The following WWOX variants were observed in gnomAD, a reference collection of about 807,000 sequenced individuals.
The protein encoded by WWOX is WW domain-containing oxidoreductase.
WWOX carries 69 observed loss-of-function variants against 46.2 expected under a neutral mutation model. The ratio of observed to expected loss-of-function variants is 1.49; its 90% CI spans 1.23 to 1.82. The LOEUF (loss-of-function observed/expected upper bound fraction) is 1.82. Ranked by LOEUF, WWOX falls within the 40% of genes most tolerant of loss-of-function variation. WWOX has a pLI of 0.00. For synonymous variants in WWOX, 359 were observed against 202.6 expected (o/e 1.77, Z -6.56); for missense variants, 919 against 542.6 (o/e 1.69, Z -6.89).
chr16:78,924,603 A>T lies in WWOX; in HGVS notation c.1057-287005A>T, dbSNP rs148804279. Among the ~76,000 whole-genome samples the T allele has an allele frequency of 7.5e-4, 115 of 152,322 alleles. 3 individuals are homozygous for T. The East Asian group carries it at 0.02, about 27-fold the overall frequency. On this transcript the variant is annotated intron_variant, in intron 8 of 8. Transcript: ENST00000566780. Reference sequence around the variant, plus strand: ...TAAGAAAGCCAGTATTGGTAAAAACATATATCAGAGTCCTTTTGACTGTTT... The same window carrying T: ...TAAGAAAGCCAGTATTGGTAAAAACTTATATCAGAGTCCTTTTGACTGTTT...
chr16:78,319,651 G>A (rs1471598888), intron 5 of WWOX, among the ~76,000 whole-genome samples: 2 of 152,156 alleles, frequency 1.3e-5, no homozygotes, highest in East Asian at 3.9e-4. Context: ...TCTTATTAAT[G>A]TGTCACATAG....
At chr16:78,312,576 C>T (rs746877737) in intron 5 of WWOX, among the ~76,000 whole-genome samples, 12 of 151,962 alleles carry the variant, frequency 7.9e-5, no homozygotes, top group Non-Finnish European at 1.6e-4. Context: ...GGTTTCACCA[C>T]GTTGGCTAGG....
chr16:78,381,124 A>T (rs2081947168), intron 5 of WWOX, among the ~76,000 whole-genome samples: 1 of 152,184 alleles, frequency 6.6e-6, no homozygotes, highest in South Asian at 2.1e-4. Context: ...CTTTGCTGCA[A>T]TGACAATATC....
rs191525513 is a variant in WWOX, at chr16:79,163,000, A to T, written c.1057-48608A>T. Among the ~76,000 whole-genome samples, 4 of 152,374 alleles carry T rather than the reference A, an allele frequency of 2.6e-5. No individual in the cohort carries two copies. The East Asian group carries it at 7.7e-4, about 29-fold the overall frequency. Reference sequence around the variant, plus strand: ...TAGATTTAGTTATTGCTTATGGTTTAGAGAAAGCGCCTTTCAACAGTCACA... The same window carrying T: ...TAGATTTAGTTATTGCTTATGGTTTTGAGAAAGCGCCTTTCAACAGTCACA... On this transcript the variant is annotated intron_variant, in intron 8 of 8. Coordinates refer to ENST00000566780, the MANE Select transcript of WWOX (RefSeq NM_016373.4).
chr16:78,805,323 G>A (rs939375763), intron 8 of WWOX, among the ~76,000 whole-genome samples: 7 of 152,234 alleles, frequency 4.6e-5, no homozygotes, highest in Admixed American at 4.6e-4. Context: ...CGCCATCTCA[G>A]GATCTCGGCT....
At chr16:78,166,797 T>C (rs2034990395) in intron 5 of WWOX, 1 of 152,122 alleles carries the variant, frequency 6.6e-6, no homozygotes, top group Non-Finnish European at 1.5e-5. Context: ...GATCTCATGA[T>C]CTACACACCT....
chr16:78,878,356 G>C (rs2044275043), intron 8 of WWOX, among the ~76,000 whole-genome samples: 1 of 152,126 alleles, frequency 6.6e-6, no homozygotes. Context: ...TTCAATTCCT[G>C]CCCCTGTCAT....
chr16:78,634,835 A>T (rs866004123), intron 8 of WWOX, among the ~76,000 whole-genome samples: 2,637 of 127,240 alleles, frequency 0.021, 22 homozygotes, highest in South Asian at 0.023. Flanking sequence ...AGAGAGAGAG[A>T]GAGTGTGTGT....
intron 7 of WWOX, among the ~76,000 whole-genome samples, chr16:78,426,217 G>A (rs1409949411): frequency 6.6e-6 from 1 of 152,226 alleles, no homozygotes; most frequent in Non-Finnish European, 1.5e-5. Flanking sequence ...GGTTTGTGAA[G>A]GAAAGTGGAG....
chr16:78,389,372 C>T (rs891383766), intron 6 of WWOX, among the ~76,000 whole-genome samples: 7 of 152,128 alleles, frequency 4.6e-5, no homozygotes, highest in African/African-American at 1.7e-4. Context: ...GAGTGGTGGC[C>T]CTGGAAGCCA....
chr16:78,833,520 A>C (rs1300270476), intron 8 of WWOX, among the ~76,000 whole-genome samples: 1 of 152,110 alleles, frequency 6.6e-6, no homozygotes, highest in East Asian at 1.9e-4. Flanking sequence ...CAATACCTAC[A>C]ACGTGCAGTG....
intron 8 of WWOX, among the ~76,000 whole-genome samples, chr16:79,033,526 T>A (rs1032493057): frequency 1.1e-4 from 17 of 152,076 alleles, no homozygotes; most frequent in African/African-American, 4.1e-4. Flanking sequence ...ATTTTCCAGA[T>A]TTCCCCTGGC....
At chr16:78,134,160 A>G (rs958272550) in intron 4 of WWOX, among the ~76,000 whole-genome samples, 1 of 152,230 alleles carries the variant, frequency 6.6e-6, no homozygotes. Flanking sequence ...CTCAAATATT[A>G]GCATTGGATT....
At chr16:78,557,754 G>C (rs945056937) in intron 8 of WWOX, among the ~76,000 whole-genome samples, 5 of 141,318 alleles carry the variant, frequency 3.5e-5, no homozygotes, top group African/African-American at 1.4e-4. Flanking sequence ...GGAGTGCAGT[G>C]GCGCGATGTC....
At chr16:78,548,796 C>T (rs547524903) in intron 8 of WWOX, among the ~76,000 whole-genome samples, 29 of 152,248 alleles carry the variant, frequency 1.9e-4, no homozygotes, top group African/African-American at 6.0e-4. Context: ...TGAAAATAAA[C>T]GCCTTCATTT....
intron 8 of WWOX, among the ~76,000 whole-genome samples, chr16:78,811,534 C>T (rs1294619006): frequency 5.3e-5 from 8 of 151,294 alleles, no homozygotes; most frequent in Admixed American, 4.6e-4. Context: ...TCTCTCTTTC[C>T]CCCTTTTTGT....
chr16:78,483,799 T>A (rs2151450952), intron 8 of WWOX, among the ~76,000 whole-genome samples: 1 of 152,274 alleles, frequency 6.6e-6, no homozygotes, highest in African/African-American at 2.4e-5. Context: ...TTTATTTATT[T>A]AACTCACATT....
intron 1 of WWOX, chr16:78,100,168 C>G: frequency 7.8e-7 from 1 of 1,280,366 alleles, no homozygotes; most frequent in African/African-American, 1.6e-5. Context: ...GCCTCATCCC[C>G]GCCAAAAAAT....
At chr16:79,031,948 G>GTA (rs1426768200) in intron 8 of WWOX, among the ~76,000 whole-genome samples, 66 of 137,374 alleles carry the variant, frequency 4.8e-4, no homozygotes, top group Admixed American at 2.0e-3. Flanking sequence ...ACAGATATCT[G>GTA]TATATATATA....
Sources: allele counts gnomAD v4.1 joint callset (sites outside exome capture counted in the v4.1 genomes callset), GRCh38; gene constraint gnomAD v4.1.1; transcripts MANE v1.5; gene names NCBI Gene and HGNC (gene_info 2026-07-23, HGNC 2026-07-21).